FOXN3: variants seen among roughly 807,000 people sequenced by gnomAD.
FOXN3 encodes forkhead box N3.
FOXN3 carries 7 observed loss-of-function variants against 38.4 expected under a neutral mutation model. The observed-to-expected ratio is 0.18, with a 90% confidence interval of 0.10 to 0.34. The LOEUF (loss-of-function observed/expected upper bound fraction) is 0.34. Ranked by LOEUF, FOXN3 falls within the 10% of genes least tolerant of loss-of-function variation. The pLI, the probability that FOXN3 is intolerant of heterozygous loss-of-function variation, is 1.00. For missense variants in FOXN3, 456 were observed against 613.4 expected, an observed-to-expected ratio of 0.74 and a Z score of 2.71; for synonymous variants, 230 against 242.2, an observed-to-expected ratio of 0.95 and a Z score of 0.47.
intron 1 of FOXN3, among the ~76,000 whole-genome samples, chr14:89,556,496 G>A (rs1317290533): frequency 1.3e-5 from 2 of 152,086 alleles, no homozygotes; most frequent in Non-Finnish European, 2.9e-5. Flanking sequence ...ATTGAGGGTG[G>A]AGGGGAATTA....
chr14:89,164,715 G>A lies in FOXN3; in HGVS notation c.852-1746C>T, dbSNP rs1043414433. ...TGGGTCTCCACCACCATGACTCACCGGGCACACGCTGAGGATACGGCACTG... is the reference window on the plus strand; with the variant it reads ...TGGGTCTCCACCACCATGACTCACCAGGCACACGCTGAGGATACGGCACTG... On this transcript the variant is annotated intron_variant, in intron 5 of 5. Coordinates refer to ENST00000557258, the MANE Select transcript of FOXN3 (RefSeq NM_005197.4). This position sits in a 1 kb window ranked among gnomAD's most constrained non-coding sequence, Gnocchi z 4.3. Among the ~76,000 whole-genome samples the A allele has an allele frequency of 6.6e-6, 1 of 152,128 alleles. No homozygotes were observed. Among genetic ancestry groups the A allele is most frequent in the African/African-American group, 2.4e-5 (1 of 41,422 alleles).
At chr14:89,590,536 C>A (rs114474808) in intron 1 of FOXN3, among the ~76,000 whole-genome samples, 1 of 152,114 alleles carries the variant, frequency 6.6e-6, no homozygotes, top group South Asian at 2.1e-4. Context: ...GTGGGGATGA[C>A]GTGTGGGAAT....
intron 1 of FOXN3, among the ~76,000 whole-genome samples, chr14:89,547,593 T>C (rs1050413207): frequency 1.3e-5 from 2 of 152,204 alleles, no homozygotes; most frequent in African/African-American, 4.8e-5. Context: ...GTATGCCACA[T>C]TGCTTCTTTC....
At chr14:89,295,374 C>T (rs1052692209) in intron 3 of FOXN3, among the ~76,000 whole-genome samples, 1 of 152,210 alleles carries the variant, frequency 6.6e-6, no homozygotes, top group Non-Finnish European at 1.5e-5. Context: ...CATTCTAACG[C>T]CTTATACCTT....
intron 3 of FOXN3, chr14:89,290,475 A>G: frequency 2.2e-6 from 1 of 446,462 alleles, no homozygotes; most frequent in Non-Finnish European, 4.3e-6. Context: ...GACCAGACCA[A>G]ACTTCTTACA....
chr14:89,575,369 T>C (rs1006486898), intron 1 of FOXN3, among the ~76,000 whole-genome samples: 5 of 152,118 alleles, frequency 3.3e-5, no homozygotes, highest in Non-Finnish European at 7.4e-5. Context: ...GAGGTCGTTT[T>C]GGGTCAGTAA....
intron 3 of FOXN3, among the ~76,000 whole-genome samples, chr14:89,323,357 G>A (rs1249013861): frequency 6.6e-6 from 1 of 151,906 alleles, no homozygotes; most frequent in Non-Finnish European, 1.5e-5. Context: ...TTTTGAAGGG[G>A]TGGTTAGGGT....
At chr14:89,251,550 T>C (rs1178537613) in intron 4 of FOXN3, among the ~76,000 whole-genome samples, 1 of 152,216 alleles carries the variant, frequency 6.6e-6, no homozygotes, top group African/African-American at 2.4e-5. Flanking sequence ...TATAATGATA[T>C]TTAATGTGGA....
chr14:89,353,808 C>A (rs11159902), intron 2 of FOXN3: 26,106 of 152,056 alleles, frequency 0.17, 2,462 homozygotes, highest in South Asian at 0.39. Context: ...CGGCTCACTG[C>A]AACCTCACCC....
At chr14:89,462,788 G>A (rs143710184) in intron 1 of FOXN3, among the ~76,000 whole-genome samples, 4,674 of 151,520 alleles carry the variant, frequency 0.031, 108 homozygotes, top group Middle Eastern at 0.051. Context: ...GGGTTCAAGC[G>A]ATTCTCTCAC....
chr14:89,494,327 C>G (rs1156805321), intron 1 of FOXN3: 2 of 152,190 alleles, frequency 1.3e-5, no homozygotes, highest in Admixed American at 1.3e-4. Flanking sequence ...CATTCATCTT[C>G]TTTCTCCTTT....
intron 1 of FOXN3, among the ~76,000 whole-genome samples, chr14:89,549,300 CT>C (rs1894952330): frequency 6.9e-6 from 1 of 145,274 alleles, no homozygotes; most frequent in Non-Finnish European, 1.5e-5. Context: ...AGAACATTTT[CT>C]TTTGAAATGT....
intron 1 of FOXN3, among the ~76,000 whole-genome samples, chr14:89,427,040 T>C (rs1441543646): frequency 6.6e-6 from 1 of 151,742 alleles, no homozygotes; most frequent in East Asian, 2.0e-4. Context: ...GAGACCAGCC[T>C]GGCCAACATG....
At chr14:89,585,877 G>A (rs1895831804) in intron 1 of FOXN3, among the ~76,000 whole-genome samples, 1 of 152,110 alleles carries the variant, frequency 6.6e-6, no homozygotes, top group Non-Finnish European at 1.5e-5. Context: ...AAAAGGTAGG[G>A]CAGGATGAAG....
intron 4 of FOXN3, among the ~76,000 whole-genome samples, chr14:89,217,431 C>T (rs8006934): frequency 0.049 from 7,471 of 152,220 alleles, 437 homozygotes; most frequent in African/African-American, 0.14. Context: ...TGAGCCACCA[C>T]GCCTGGCCTC....
intron 1 of FOXN3, among the ~76,000 whole-genome samples, chr14:89,572,027 A>C (rs185290689): frequency 6.6e-6 from 1 of 152,366 alleles, no homozygotes; most frequent in Non-Finnish European, 1.5e-5. Flanking sequence ...TGAATTAATG[A>C]TTAAACTTAA....
chr14:89,347,734 A>T (rs1418657217), intron 3 of FOXN3, among the ~76,000 whole-genome samples: 1 of 152,122 alleles, frequency 6.6e-6, no homozygotes, highest in Non-Finnish European at 1.5e-5. Context: ...CGGGCGGATC[A>T]TGAGTTCAAG....
At chr14:89,492,242 C>A (rs1478629529) in intron 1 of FOXN3, among the ~76,000 whole-genome samples, 1 of 152,134 alleles carries the variant, frequency 6.6e-6, no homozygotes, top group Non-Finnish European at 1.5e-5. Flanking sequence ...CCTGGGGGGG[C>A]CAAGCACACG....
intron 4 of FOXN3, among the ~76,000 whole-genome samples, chr14:89,191,944 ATTAG>A (rs1445431995): frequency 2.1e-5 from 3 of 139,646 alleles, no homozygotes; most frequent in African/African-American, 8.9e-5. Flanking sequence ...TCCCACTGAT[ATTAG>A]TATATATATA....
Sources: allele counts gnomAD v4.1 joint callset (sites outside exome capture counted in the v4.1 genomes callset), GRCh38; gene constraint gnomAD v4.1.1; non-coding constraint Gnocchi (gnomAD v3.1); transcripts MANE v1.5; gene names NCBI Gene and HGNC (gene_info 2026-07-23, HGNC 2026-07-21).